The following CYFIP2 variants were observed in gnomAD, a reference collection of about 807,000 sequenced individuals.
CYFIP2 encodes the protein cytoplasmic FMR1-interacting protein 2.
A neutral mutation model predicts 158.7 loss-of-function variants in CYFIP2; 29 were observed. The ratio of observed to expected loss-of-function variants is 0.18; its 90% CI spans 0.14 to 0.25. The LOEUF (loss-of-function observed/expected upper bound fraction) is 0.25, where lower values mean the gene tolerates loss of function less well. Ranked by LOEUF, CYFIP2 falls within the 10% of genes least tolerant of loss-of-function variation. The pLI is 1.00. For synonymous variants in CYFIP2, 585 were observed against 617.6 expected, an observed-to-expected ratio of 0.95 and a Z score of 0.78; for missense variants, 852 against 1,639.5, an observed-to-expected ratio of 0.52 and a Z score of 8.29.
At chr5:157,328,276 C>T (rs546668140) in intron 19 of CYFIP2, among the ~76,000 whole-genome samples, 72 of 152,272 alleles carry the variant, frequency 4.7e-4, no homozygotes, top group African/African-American at 1.5e-3. Flanking sequence ...GACTAAAAGC[C>T]GATGAATGCA....
At chr5:157,388,025 C>T (rs564723519) in intron 28 of CYFIP2, among the ~76,000 whole-genome samples, 1 of 152,308 alleles carries the variant, frequency 6.6e-6, no homozygotes, top group Admixed American at 6.5e-5. Flanking sequence ...GTAGGTCAGG[C>T]AGGTGCCTCC....
Position 157,358,001 on chromosome 5 carries a change from C to G in CYFIP2, c.2674-1004C>G, listed in dbSNP as rs373902900. Among the ~76,000 whole-genome samples the G allele has an allele frequency of 1.5e-4, 23 of 152,272 alleles. No individual in the cohort carries two copies. In the East Asian group the frequency reaches 4.2e-3, roughly 28 times the overall value. On this transcript the variant is annotated intron_variant, in intron 23 of 30. Coordinates refer to ENST00000620254, the MANE Select transcript of CYFIP2 (RefSeq NM_001037333.3). ...AGTGCAGGCTTTTTCCCACCTGAGC[C>G]TCAGTTCCCTCATCTGTGAAATGGG... is the stretch of plus-strand genomic sequence containing the variant.
At chr5:157,280,864 A>C (rs1756940596) in intron 1 of CYFIP2, among the ~76,000 whole-genome samples, 1 of 152,190 alleles carries the variant, frequency 6.6e-6, no homozygotes, top group Non-Finnish European at 1.5e-5. Context: ...ATATTATCAA[A>C]CCTAAATACA....
chr5:157,369,950 C>G lies in CYFIP2; in HGVS notation c.3039+8352C>G, dbSNP rs960650741. ...AGGCTGGAGTGCAGTGGCGTGATCTCGGCTCACTGCAACCTCCACTTCCTG... is the reference window on the plus strand; with the variant it reads ...AGGCTGGAGTGCAGTGGCGTGATCTGGGCTCACTGCAACCTCCACTTCCTG... On this transcript the variant is annotated intron_variant, in intron 26 of 30. Coordinates refer to ENST00000620254, the MANE Select transcript of CYFIP2 (RefSeq NM_001037333.3). Among the ~76,000 whole-genome samples the G allele has an allele frequency of 2.0e-5, 3 of 147,348 alleles. No homozygotes were observed. In the Admixed American group the frequency reaches 2.1e-4, roughly 10 times the overall value.
At chr5:157,279,969 G>A (rs1360054512) in intron 1 of CYFIP2, among the ~76,000 whole-genome samples, 2 of 152,206 alleles carry the variant, frequency 1.3e-5, no homozygotes, top group Non-Finnish European at 2.9e-5. Flanking sequence ...AGCTAAAAAT[G>A]TCGGATTTCC....
intron 26 of CYFIP2, chr5:157,376,446 C>T (rs575547257): frequency 1.3e-5 from 2 of 153,364 alleles, no homozygotes; most frequent in African/African-American, 4.8e-5. Flanking sequence ...TCATCTTCAT[C>T]TCTGTGCCTT....
intron 26 of CYFIP2, among the ~76,000 whole-genome samples, chr5:157,371,863 A>G (rs1414211930): frequency 1.3e-5 from 2 of 152,184 alleles, no homozygotes; most frequent in African/African-American, 4.8e-5. Context: ...CAACACAGCA[A>G]TTTTACAGTA....
intron 5 of CYFIP2, 26 bp downstream of exon 5, chr5:157,296,800 T>C (rs2113874669): frequency 6.3e-7 from 1 of 1,584,106 alleles, no homozygotes; most frequent in Admixed American, 1.7e-5. Flanking sequence ...CAGGTCTGCA[T>C]CTGGAGAACT....
Position 157,287,128 on chromosome 5 carries a change from G to C in CYFIP2, c.207+20G>C, listed in dbSNP as rs2288068. The C allele has an allele frequency of 6.2e-7, 1 of 1,607,026 alleles. No individual in the cohort carries two copies. The highest frequency in any genetic ancestry group is 2.2e-5 in the East Asian group (1 of 44,756). The stretch of plus-strand genomic sequence containing the variant: ...AGCATGGTAAGTCTCTGTGACCCAC[G>C]TGTGCAGACATGCTCCCTGCTGGGC... On this transcript the variant is annotated intron_variant, in intron 3 of 30. Transcript: ENST00000620254.
At chr5:157,340,830 C>T (rs1304662228) in intron 22 of CYFIP2, among the ~76,000 whole-genome samples, 3 of 152,206 alleles carry the variant, frequency 2.0e-5, no homozygotes, top group African/African-American at 4.8e-5. Context: ...GGAGCAGCCA[C>T]AAGCCCCTGG....
chr5:157,322,870 TTCTC>T, intron 15 of CYFIP2: 8 of 1,366,992 alleles, frequency 5.9e-6, no homozygotes, highest in East Asian at 2.5e-5. Flanking sequence ...CTCTCTCTCT[TTCTC>T]TCTCTCCCTC....
chr5:157,377,173 G>T (rs561782544), intron 26 of CYFIP2, among the ~76,000 whole-genome samples: 1 of 151,982 alleles, frequency 6.6e-6, no homozygotes, highest in East Asian at 1.9e-4. Flanking sequence ...ACCAGAAGGT[G>T]AAACTGCAGC....
chr5:157,348,043 C>T (rs1042647468), intron 23 of CYFIP2, among the ~76,000 whole-genome samples: 2 of 152,266 alleles, frequency 1.3e-5, no homozygotes, highest in African/African-American at 4.8e-5. Flanking sequence ...CTCACACTTT[C>T]TCCATCATCA....
rs1767539784 is a variant in CYFIP2, at chr5:157,393,803, TA to T, written c.*804del. ...AGGAAAGGCTTAGCATTGGGCCACA[TA>T]GGGGAAGCAGCTTTGAACAAATCAG... On this transcript the variant is annotated 3_prime_UTR_variant, in exon 31 of 31. Coordinates refer to ENST00000620254, the MANE Select transcript of CYFIP2 (RefSeq NM_001037333.3). The T allele has an allele frequency of 6.6e-6, 1 of 152,152 alleles. No individual in the cohort carries two copies. The highest frequency in any genetic ancestry group is 2.4e-5 in the African/African-American group (1 of 41,402). 9.4% of individuals were successfully genotyped at this position (152,152 alleles called of 1,614,324 possible). A position where few individuals can be genotyped will look rare whatever the true frequency, so the allele number is the denominator to read the frequency against.
Position 157,361,551 on chromosome 5 carries a change from G to A in CYFIP2, c.2992G>A (p.Glu998Lys). ...AACAGACGTGTTCCAGAGCCTGAGG[G>A]AAGTGGGCAATGCCATCCTCTTCTG... ...LKTDVFQSLR[E>K]VGNAILFCLL... The change falls in exon 26 of 31, where the codon GAA becomes AAA. Residue 998 changes from glutamate (E) to lysine (K), a missense_variant. Transcript: ENST00000620254. The surrounding 1 kb of genome is among the most constrained non-coding windows in gnomAD (Gnocchi z 4.4). The A allele has an allele frequency of 1.2e-6, 2 of 1,614,078 alleles. No individual in the cohort carries two copies. The highest frequency in any genetic ancestry group is 1.7e-6 in the Non-Finnish European group (2 of 1,179,980).
intron 26 of CYFIP2, chr5:157,364,368 C>T (rs1352156738): frequency 1.3e-5 from 2 of 152,224 alleles, no homozygotes; most frequent in Admixed American, 6.5e-5. Context: ...CTTCCTCAGG[C>T]ACCGTCTGGG....
intron 23 of CYFIP2, among the ~76,000 whole-genome samples, chr5:157,355,550 G>T (rs887945429): frequency 6.6e-6 from 1 of 152,110 alleles, no homozygotes; most frequent in African/African-American, 2.4e-5. Context: ...TCTAACTAGT[G>T]CATTTACAGA....
At chr5:157,337,781 ATG>A (rs1366967598) in intron 21 of CYFIP2, among the ~76,000 whole-genome samples, 2 of 152,334 alleles carry the variant, frequency 1.3e-5, no homozygotes, top group South Asian at 2.1e-4. Context: ...GGCCTTGCCG[ATG>A]TTCTTTTAGC....
At chr5:157,280,241 G>A (rs1756884741) in intron 1 of CYFIP2, among the ~76,000 whole-genome samples, 1 of 152,106 alleles carries the variant, frequency 6.6e-6, no homozygotes, top group Admixed American at 6.5e-5. Context: ...TTGTTGCCCA[G>A]GCTGGAGTGC....
Sources: gnomAD v4.1 joint callset for allele counts (sites outside exome capture counted in the v4.1 genomes callset) on GRCh38, gnomAD v4.1.1 for gene constraint, Gnocchi (gnomAD v3.1) non-coding constraint, MANE v1.5 for transcripts, NCBI Gene and HGNC (gene_info 2026-07-23, HGNC 2026-07-21) for gene names.